The following FSTL4 variants were observed in gnomAD, a reference collection of about 807,000 sequenced individuals.
The protein encoded by FSTL4 is follistatin like 4.
Under a neutral mutation model 78.2 loss-of-function variants are expected in FSTL4, and 28 were observed. That is an observed-to-expected ratio of 0.36 (90% confidence interval 0.27 to 0.49). The LOEUF (loss-of-function observed/expected upper bound fraction) is 0.49, where lower values mean the gene tolerates loss of function less well. Among genes scored for constraint, FSTL4 ranks in the 20% least tolerant of loss-of-function variants. The probability of loss-of-function intolerance (pLI) is 0.98; values close to 1 mark genes in which losing one functional copy is unlikely to be tolerated. For missense variants in FSTL4, 922 were observed against 1,084.9 expected (o/e 0.85, Z 2.11); for synonymous variants, 422 against 440.5 (o/e 0.96, Z 0.53).
intron 4 of FSTL4, among the ~76,000 whole-genome samples, chr5:133,373,991 G>GTC (rs1755376389): frequency 6.6e-6 from 1 of 152,186 alleles, no homozygotes; most frequent in Non-Finnish European, 1.5e-5. Context: ...GCACAGATGT[G>GTC]AGGGCTAAGC....
chr5:133,827,616 C>T, the FSTL4 span, among the ~76,000 whole-genome samples: 2 of 151,896 alleles, frequency 1.3e-5, no homozygotes, highest in African/African-American at 4.8e-5. Flanking sequence ...TTTCTTAAGA[C>T]CAGAGAGAAG....
intron 2 of FSTL4, among the ~76,000 whole-genome samples, chr5:133,599,389 C>T (rs369759): frequency 0.093 from 14,138 of 151,912 alleles, 800 homozygotes; most frequent in African/African-American, 0.16. Flanking sequence ...GTTAGGGAGG[C>T]GGGGAATCAT....
chr5:133,560,771 G>A (rs1339106344), intron 3 of FSTL4, among the ~76,000 whole-genome samples: 2 of 151,768 alleles, frequency 1.3e-5, no homozygotes, highest in South Asian at 2.1e-4. Flanking sequence ...CAGAGGAAAG[G>A]GACCAGAATA....
chr5:133,568,934 ATTGT>A (rs1367437973), intron 2 of FSTL4, among the ~76,000 whole-genome samples: 3 of 152,184 alleles, frequency 2.0e-5, no homozygotes, highest in Admixed American at 6.5e-5. Context: ...GATTTTAATA[ATTGT>A]TTGAGTCTAC....
chr5:133,280,527 G>A (rs1009997166), intron 6 of FSTL4, among the ~76,000 whole-genome samples: 1 of 152,176 alleles, frequency 6.6e-6, no homozygotes, highest in African/African-American at 2.4e-5. Context: ...TCTGAAAACT[G>A]CTCTCAAAAT....
At chr5:133,670,890 A>G in the FSTL4 span, among the ~76,000 whole-genome samples, 1 of 152,202 alleles carries the variant, frequency 6.6e-6, no homozygotes, top group Non-Finnish European at 1.5e-5. Flanking sequence ...CCAATTCCAT[A>G]TCTACACCTT....
chr5:133,565,418 T>C lies in FSTL4; in HGVS notation c.160+1768A>G, dbSNP rs528503428. Among the ~76,000 whole-genome samples the C allele has an allele frequency of 3.9e-5, 6 of 152,304 alleles. No homozygotes were observed. The East Asian group carries it at 1.2e-3, about 29-fold the overall frequency. On this transcript the variant is annotated intron_variant, in intron 3 of 15. Coordinates refer to ENST00000265342, the MANE Select transcript of FSTL4 (RefSeq NM_015082.2). ...TTTTCTTCCTGCCAGGTTGTAAGCA[T>C]TGACGTTACAGCACTGGGCTATTTC...
the FSTL4 span, among the ~76,000 whole-genome samples, chr5:133,671,073 C>T: frequency 1.3e-5 from 2 of 152,138 alleles, no homozygotes. Context: ...TCTTGGTTTC[C>T]TGCCTGCTCC....
chr5:133,615,449 G>A (rs1324637085), upstream of FSTL4, among the ~76,000 whole-genome samples: 1 of 152,216 alleles, frequency 6.6e-6, no homozygotes, highest in Non-Finnish European at 1.5e-5. Flanking sequence ...CAGTGAGCCT[G>A]GGAGAGTCAC....
chr5:133,730,244 T>C, the FSTL4 span, among the ~76,000 whole-genome samples: 1 of 152,182 alleles, frequency 6.6e-6, no homozygotes, highest in African/African-American at 2.4e-5. Context: ...AGTTCCAAAG[T>C]GGAGGAAGTA....
intron 4 of FSTL4, among the ~76,000 whole-genome samples, chr5:133,395,677 ATAATCACT>A (rs1756017104): frequency 6.6e-6 from 1 of 152,094 alleles, no homozygotes; most frequent in Admixed American, 6.5e-5. Context: ...CCAGGATCCC[ATAATCACT>A]TGCTCTTCCC....
intron 3 of FSTL4, among the ~76,000 whole-genome samples, chr5:133,466,692 AGTGAACAG>A (rs1757715611): frequency 6.6e-6 from 1 of 152,244 alleles, no homozygotes; most frequent in African/African-American, 2.4e-5. Context: ...AGGAGTACAA[AGTGAACAG>A]GGCAAGGCCC....
In FSTL4 at chr5:133,269,780, T is replaced by C. The variant is rs60133396; in HGVS notation, c.728-20204A>G. On this transcript the variant is annotated intron_variant, in intron 6 of 15. Coordinates refer to ENST00000265342, the MANE Select transcript of FSTL4 (RefSeq NM_015082.2). ...GTTCTACCAGTCCCATCAGTGTGTC[T>C]CTCTCATCTTACATGCTGACTGCAG... 7.9e-3 allele frequency among the ~76,000 whole-genome samples: 1,200 copies of C among 152,340 alleles called. 14 individuals are homozygous for C. The highest frequency in any genetic ancestry group is 0.027 in the African/African-American group (1,133 of 41,576).
At chr5:133,604,657 C>T (rs1400365322) in intron 1 of FSTL4, among the ~76,000 whole-genome samples, 3 of 151,990 alleles carry the variant, frequency 2.0e-5, no homozygotes, top group Admixed American at 6.6e-5. Context: ...TGCAGTGAGC[C>T]GAGATCATAC....
chr5:133,535,462 A>G (rs1348671533), intron 3 of FSTL4, among the ~76,000 whole-genome samples: 3 of 152,364 alleles, frequency 2.0e-5, no homozygotes, highest in Middle Eastern at 6.8e-3. Flanking sequence ...TCTGTGTCTT[A>G]AGGGCATGTT....
At chr5:133,409,328 C>T (rs528010106) in intron 3 of FSTL4, among the ~76,000 whole-genome samples, 2 of 152,338 alleles carry the variant, frequency 1.3e-5, no homozygotes, top group South Asian at 2.1e-4. Context: ...CCAATGCCAG[C>T]GTATCTTGCA....
intron 4 of FSTL4, among the ~76,000 whole-genome samples, chr5:133,392,537 G>T (rs184439780): frequency 6.6e-6 from 1 of 152,182 alleles, no homozygotes; most frequent in Non-Finnish European, 1.5e-5. Flanking sequence ...AGTGGCAGGG[G>T]TAACAGGACA....
the FSTL4 span, among the ~76,000 whole-genome samples, chr5:133,739,957 AAC>A: frequency 6.6e-6 from 1 of 151,748 alleles, no homozygotes; most frequent in Non-Finnish European, 1.5e-5. Flanking sequence ...CAATGGTACA[AAC>A]ACAACTCACT....
the FSTL4 span, among the ~76,000 whole-genome samples, chr5:133,620,282 C>T: frequency 6.6e-6 from 1 of 152,120 alleles, no homozygotes; most frequent in African/African-American, 2.4e-5. Context: ...GATTTCAGGC[C>T]ACTATTTCCA....
Sources: allele counts gnomAD v4.1 joint callset (sites outside exome capture counted in the v4.1 genomes callset), GRCh38; gene constraint gnomAD v4.1.1; transcripts MANE v1.5; gene names NCBI Gene and HGNC (gene_info 2026-07-23, HGNC 2026-07-21).